Variants in PXN observed in about 807,000 individuals in gnomAD.
PXN encodes testicular tissue protein Li 134.
Under a neutral mutation model 103.6 loss-of-function variants are expected in PXN, and 61 were observed. The ratio of observed to expected loss-of-function variants is 0.59; its 90% CI spans 0.48 to 0.73. The LOEUF (loss-of-function observed/expected upper bound fraction) is 0.73. Among genes scored for constraint, PXN ranks in the 30% least tolerant of loss-of-function variants. PXN has a pLI of 0.00. For missense variants in PXN, 1,274 were observed against 1,460.3 expected, an observed-to-expected ratio of 0.87 and a Z score of 2.08; for synonymous variants, 562 against 607.8, an observed-to-expected ratio of 0.92 and a Z score of 1.11.
chr12:120,217,146 C>T lies in PXN; in HGVS notation c.1717-30G>A, dbSNP rs183915605. On this transcript the variant is annotated intron_variant, in intron 7 of 14. Transcript: ENST00000637617. The surrounding 1 kb of genome is among the most constrained non-coding windows in gnomAD (Gnocchi z 4.1). ...GGGGAGGGGGAGGGGAGGCTGTCAC[C>T]GTCCCACTCCCAGCTTGCACAACGC... is the stretch of plus-strand genomic sequence containing the variant. 9 of 1,523,502 alleles carry T rather than the reference C, an allele frequency of 5.9e-6. No individual in the cohort carries two copies. The highest frequency in any genetic ancestry group is 5.5e-5 in the Admixed American group (3 of 54,098). The allele number at this position is 1,523,502 out of a possible 1,614,324, so 94.4% of individuals were successfully genotyped here.
chr12:120,264,822 C>T (rs1294623834), intron 1 of PXN, among the ~76,000 whole-genome samples: 1 of 151,700 alleles, frequency 6.6e-6, no homozygotes, highest in Admixed American at 6.6e-5. Context: ...AATCAGGACT[C>T]CCAAATTACC....
At position 120,212,358 on chromosome 12, in the gene PXN, C is replaced by T. The variant is rs751747291; in HGVS notation, c.3202G>A (p.Asp1068Asn). ...AAGCAGTTCTGACAGTAAGGCTTGT[C>T]GTTCTGCTCCTTGAAGGTGCCCTTG... ...LNKGTFKEQN[D>N]KPYCQNCFLK... Residue 1068 changes from aspartate (D) to asparagine (N), a missense_variant, in exon 15 of 15, where the codon GAC (aspartate) becomes AAC (asparagine). Physicochemically the swap from Asp to Asn is conservative, Grantham distance 23 (BLOSUM62 1). This residue lies in a region of PXN where 96 missense variants were observed against 151.3 expected (regional missense o/e 0.63). Coordinates refer to ENST00000637617, the MANE Select transcript of PXN (RefSeq NM_001385981.1). The surrounding 1 kb of genome is among the most constrained non-coding windows in gnomAD (Gnocchi z 7.2). The T allele has an allele frequency of 9.3e-6, 15 of 1,613,908 alleles. No individual in the cohort carries two copies. The highest frequency in any genetic ancestry group is 2.2e-5 in the East Asian group (1 of 44,874).
At chr12:120,242,303 G>A (rs1890290941) in intron 1 of PXN, among the ~76,000 whole-genome samples, 2 of 152,302 alleles carry the variant, frequency 1.3e-5, no homozygotes, top group East Asian at 3.9e-4. Flanking sequence ...TGTTCAGGAA[G>A]ACCATGGGCT....
chr12:120,227,675 C>T (rs976025702), intron 1 of PXN, among the ~76,000 whole-genome samples: 1 of 152,148 alleles, frequency 6.6e-6, no homozygotes, highest in African/African-American at 2.4e-5. Context: ...TCATTCTCAC[C>T]TAGTGATTTG....
rs1883420736 is a variant in PXN, at chr12:120,217,194, C to A, written c.1717-78G>T. 1 of 1,208,016 alleles carries A rather than the reference C, an allele frequency of 8.3e-7. No individual in the cohort carries two copies. Among genetic ancestry groups the A allele is most frequent in the African/African-American group, 1.5e-5 (1 of 65,512 alleles). 74.8% of individuals were successfully genotyped at this position (1,208,016 alleles called of 1,614,324 possible). A position where few individuals can be genotyped will look rare whatever the true frequency, so the allele number is the denominator to read the frequency against. On this transcript the variant is annotated intron_variant, in intron 7 of 14. Coordinates refer to ENST00000637617, the MANE Select transcript of PXN (RefSeq NM_001385981.1). This position sits in a 1 kb window ranked among gnomAD's most constrained non-coding sequence, Gnocchi z 4.1. ...CGCTGCTCAGGCCACACTCAGATGC[C>A]TCAGGAGAGGGAGCACAAAAGAAAA...
chr12:120,245,254 A>G (rs939644216), intron 1 of PXN, among the ~76,000 whole-genome samples: 4 of 152,026 alleles, frequency 2.6e-5, no homozygotes, highest in African/African-American at 7.3e-5. Context: ...AGCAACACCA[A>G]GTGTGGGGCT....
chr12:120,214,954 G>C lies in PXN; in HGVS notation c.2619C>G (p.Val873=), dbSNP rs1308894595. 1.2e-6 allele frequency: 2 copies of C among 1,613,990 alleles called. No individual in the cohort carries two copies. ...CGATCTCCTCCTGGCAGTGGGTGCA[G>C]ACGAAGTGCTCGGGGTGCCACGTCT... ...MGKTWHPEHF[V]CTHCQEEIGS... Residue 873 remains valine (V), a synonymous_variant, in exon 12 of 15, where the codon GTC becomes GTG. Coordinates refer to ENST00000637617, the MANE Select transcript of PXN (RefSeq NM_001385981.1). The surrounding 1 kb of genome is among the most constrained non-coding windows in gnomAD (Gnocchi z 5.0).
At chr12:120,249,028 G>C (rs1044581604) in intron 1 of PXN, among the ~76,000 whole-genome samples, 2 of 152,022 alleles carry the variant, frequency 1.3e-5, no homozygotes, top group Non-Finnish European at 2.9e-5. Context: ...TCCCAGATAC[G>C]TGGGAGGCTG....
rs997958567 is a variant in PXN at position 120,224,755 on chromosome 12, G to C, written c.14-378C>G. On this transcript the variant is annotated intron_variant, in intron 1 of 14. Transcript: ENST00000637617. The surrounding 1 kb of genome is among the most constrained non-coding windows in gnomAD (Gnocchi z 5.0). Reference sequence around the variant, plus strand: ...GCAGGGCAACGCGGAGAGAATGGGCGGGAGGGGCCCCACGTCACAGGGAGG... The same window carrying C: ...GCAGGGCAACGCGGAGAGAATGGGCCGGAGGGGCCCCACGTCACAGGGAGG... The C allele has an allele frequency of 3.9e-5, 19 of 492,514 alleles. No individual in the cohort carries two copies. The highest frequency in any genetic ancestry group is 6.8e-5 in the Non-Finnish European group (17 of 251,394). 30.5% of individuals were successfully genotyped at this position (492,514 alleles called of 1,614,324 possible). A position where few individuals can be genotyped will look rare whatever the true frequency, so the allele number is the denominator to read the frequency against.
chr12:120,235,809 C>T (rs904207737), intron 1 of PXN, among the ~76,000 whole-genome samples: 3 of 152,208 alleles, frequency 2.0e-5, no homozygotes, highest in Non-Finnish European at 2.9e-5. Flanking sequence ...GCAAGGTCGA[C>T]GCGCACAAGT....
chr12:120,237,148 T>C (rs556047788), intron 1 of PXN, among the ~76,000 whole-genome samples: 1,436 of 137,624 alleles, frequency 0.01, 9 homozygotes, highest in Non-Finnish European at 0.016. Flanking sequence ...TGTGTGTGTA[T>C]ACACACACAC....
At chr12:120,226,896 A>T in intron 1 of PXN, 1 of 993,016 alleles carries the variant, frequency 1.0e-6, no homozygotes, top group Non-Finnish European at 1.2e-6. Context: ...AGCTGCAGAC[A>T]TCAGTTGCAA....
chr12:120,215,262 C>T lies in PXN; in HGVS notation c.2415G>A (p.Gln805=). The T allele has an allele frequency of 6.3e-7, 1 of 1,586,610 alleles. No homozygotes were observed. Among genetic ancestry groups the T allele is most frequent in the Middle Eastern group, 1.7e-4 (1 of 6,012 alleles). Residue 805 remains glutamine, a synonymous_variant, in exon 11 of 15, where the codon CAG becomes CAA. Transcript: ENST00000637617. The surrounding 1 kb of genome is among the most constrained non-coding windows in gnomAD (Gnocchi z 4.9). ...GGQDEGGFMA[Q]GKTGSSSPPG... ...GGGGTGAGCTGCTCCCTGTCTTCCCCTGGGCCATGAACTGTGGACACGGAG... is the reference window on the plus strand; with the variant it reads ...GGGGTGAGCTGCTCCCTGTCTTCCCTTGGGCCATGAACTGTGGACACGGAG...
Position 120,265,677 on chromosome 12 carries a change from G to A in PXN, c.-48C>T, listed in dbSNP as rs1218826290. On this transcript the variant is annotated 5_prime_UTR_variant, in exon 1 of 15. Transcript: ENST00000637617. The surrounding 1 kb of genome is among the most constrained non-coding windows in gnomAD (Gnocchi z 5.7). The stretch of plus-strand genomic sequence containing the variant: ...CAGGGTCGCGCTAGCTGCCCGTCCC[G>A]GGGCCGCTCGTCTATGCCCCGCAAC... 1.4e-6 allele frequency: 2 copies of A among 1,432,614 alleles called. No homozygotes were observed. Among genetic ancestry groups the A allele is most frequent in the East Asian group, 6.2e-5 (2 of 32,118 alleles). The allele number at this position is 1,432,614 out of a possible 1,614,324, so 88.7% of individuals were successfully genotyped here. A position where few individuals can be genotyped will look rare whatever the true frequency, so the allele number is the denominator to read the frequency against.
intron 1 of PXN, among the ~76,000 whole-genome samples, chr12:120,264,857 G>A (rs754701239): frequency 7.9e-5 from 12 of 152,190 alleles, no homozygotes; most frequent in Non-Finnish European, 1.6e-4. Flanking sequence ...TACCATGGTA[G>A]ACGGACTGGT....
At chr12:120,253,210 C>T (rs537472258) in intron 1 of PXN, among the ~76,000 whole-genome samples, 6 of 152,280 alleles carry the variant, frequency 3.9e-5, no homozygotes, top group Non-Finnish European at 5.9e-5. Context: ...TAGTGGCTCA[C>T]GCCTGTAATC....
Position 120,217,919 on chromosome 12 carries a change from GT to G in PXN, c.1717-804del, listed in dbSNP as rs77574050. ...AGCTAGCCAGGAACTTTTTTAACTA[GT>G]TTTTTTTTTCTTATTTATATTATTA... On this transcript the variant is annotated intron_variant, in intron 7 of 14. Transcript: ENST00000637617. This position sits in a 1 kb window ranked among gnomAD's most constrained non-coding sequence, Gnocchi z 4.1. 0.11 allele frequency among the ~76,000 whole-genome samples: 15,978 copies of G among 146,144 alleles called. 1,136 individuals are homozygous for G. Among genetic ancestry groups the G allele is most frequent in the East Asian group, 0.45 (2,275 of 5,068 alleles).
chr12:120,253,409 G>T (rs1206386958), intron 1 of PXN, among the ~76,000 whole-genome samples: 1 of 152,120 alleles, frequency 6.6e-6, no homozygotes, highest in Admixed American at 6.5e-5. Context: ...AGAGGCGGAG[G>T]TTGCAGTGAG....
chr12:120,223,787 C>G lies in PXN; in HGVS notation c.287G>C (p.Ser96Thr). ...AACACTGTCCTGAGGGTTGGAGACA[C>G]TGGAAGTTTTGGCACTGGAGCCGTA... is the stretch of plus-strand genomic sequence containing the variant. Reference protein sequence around the residue: ...PVYGSSAKTSSVSNPQDSVGS... With the variant: ...PVYGSSAKTSTVSNPQDSVGS... Residue 96 changes from serine to threonine, a missense_variant, in exon 3 of 15, where the codon AGT becomes ACT. Physicochemically the swap from Ser to Thr is moderately conservative, Grantham distance 58. Coordinates refer to ENST00000637617, the MANE Select transcript of PXN (RefSeq NM_001385981.1). The G allele has an allele frequency of 6.2e-7, 1 of 1,610,638 alleles. No homozygotes were observed. Among genetic ancestry groups the G allele is most frequent in the Non-Finnish European group, 8.5e-7 (1 of 1,178,542 alleles).
Sources: gnomAD v4.1 joint callset for allele counts (sites outside exome capture counted in the v4.1 genomes callset) on GRCh38, gnomAD v4.1.1 for gene constraint, gnomAD v4.1.1 regional missense constraint, Gnocchi (gnomAD v3.1) non-coding constraint, MANE v1.5 for transcripts, NCBI Gene and HGNC (gene_info 2026-07-23, HGNC 2026-07-21) for gene names.